The following PLA2G4E variants were observed in gnomAD, a reference collection of about 807,000 sequenced individuals.
PLA2G4E encodes the protein cytosolic phospholipase A2 epsilon.
In PLA2G4E, 84 loss-of-function variants were observed where a neutral mutation model predicts 109.1. The observed-to-expected ratio is 0.77, with a 90% CI of 0.65 to 0.92. The LOEUF (loss-of-function observed/expected upper bound fraction) is 0.92. PLA2G4E is among the 40% of genes least tolerant of loss of function. The pLI is 0.00. For missense variants in PLA2G4E, 1,057 were observed against 1,076.6 expected (o/e 0.98, Z 0.25); for synonymous variants, 469 against 436.1 (o/e 1.08, Z -0.94).
At chr15:41,990,997 G>A (rs1190586939) in intron 13 of PLA2G4E, among the ~76,000 whole-genome samples, 1 of 152,038 alleles carries the variant, frequency 6.6e-6, no homozygotes, top group African/African-American at 2.4e-5. Flanking sequence ...CAGAACCTGT[G>A]TGGAATGGCA....
intron 2 of PLA2G4E, among the ~76,000 whole-genome samples, chr15:42,008,160 G>T (rs1028710942): frequency 2.0e-5 from 3 of 152,220 alleles, no homozygotes; most frequent in Admixed American, 1.3e-4. Flanking sequence ...TTTGGGACAA[G>T]GTATGGTCAC....
intron 1 of PLA2G4E, among the ~76,000 whole-genome samples, chr15:42,041,954 G>T (rs975899423): frequency 6.6e-5 from 10 of 152,176 alleles, no homozygotes; most frequent in Non-Finnish European, 1.5e-4. Flanking sequence ...CATGGACGGG[G>T]ACAATGGCCA....
At chr15:41,983,836 A>G in exon 20 of PLA2G4E, 1 of 1,612,166 alleles carries the variant, frequency 6.2e-7, no homozygotes, top group Non-Finnish European at 8.5e-7. Flanking sequence ...CTTATTATTC[A>G]GGATGTTATA....
intron 1 of PLA2G4E, among the ~76,000 whole-genome samples, chr15:42,038,490 A>C (rs1889257116): frequency 6.6e-6 from 1 of 152,238 alleles, no homozygotes; most frequent in African/African-American, 2.4e-5. Flanking sequence ...TCTCACAAGG[A>C]GCGTGCAACC....
At chr15:41,986,084 CG>C in intron 17 of PLA2G4E, 79 bp from the exon 18 acceptor site, 1 of 1,456,952 alleles carries the variant, frequency 6.9e-7, no homozygotes, top group Non-Finnish European at 9.3e-7. Context: ...GGGGACGGAG[CG>C]CCCTGTCTGG....
At chr15:42,048,439 C>A (rs547767721) in intron 1 of PLA2G4E, among the ~76,000 whole-genome samples, 6 of 152,256 alleles carry the variant, frequency 3.9e-5, no homozygotes, top group African/African-American at 1.4e-4. Flanking sequence ...AATTACTTTA[C>A]ACATATCAAA....
chr15:42,038,677 C>G (rs914747502), intron 1 of PLA2G4E, among the ~76,000 whole-genome samples: 3 of 152,178 alleles, frequency 2.0e-5, no homozygotes, highest in Non-Finnish European at 4.4e-5. Flanking sequence ...CGTGAGCTTT[C>G]TTAGAATTGA....
rs183771050 is a variant in PLA2G4E at position 42,000,191 on chromosome 15, G to A, written c.765C>T (p.Cys255=). Residue 255 remains cysteine (C), a synonymous_variant, in exon 8 of 20, where the codon TGC becomes TGT. Transcript: ENST00000399518. ...AGTGGAAGCAGGCAGCGGTTTGGAA[G>A]CAGGCAGAGGTTGGGCAGCAGGGTT... The A allele has an allele frequency of 2.2e-4, 349 of 1,594,124 alleles. 2 individuals are homozygous for A. In the East Asian group the frequency reaches 7.1e-3, roughly 33 times the overall value.
chr15:41,997,521 A>G (rs2068361654), intron 10 of PLA2G4E: 2 of 295,696 alleles, frequency 6.8e-6, no homozygotes, highest in Middle Eastern at 9.6e-4. Context: ...TCAACAAAAG[A>G]TAACTGTTGG....
chr15:41,989,440 CGG>C lies in PLA2G4E; in HGVS notation c.1696_1697del (p.Pro566GlyfsTer52), dbSNP rs1566835311. On this transcript the variant is annotated frameshift_variant, in exon 15 of 20. Coordinates refer to ENST00000399518, the Ensembl canonical transcript of PLA2G4E. LOFTEE classifies it high-confidence loss of function. ...CTAGCATGTAGCAGATTCGAGACTC[CGG>C]GATCCTCTTCACCAGCCGCCCCATG... The C allele has an allele frequency of 6.2e-7, 1 of 1,614,002 alleles. No individual in the cohort carries two copies. The highest frequency in any genetic ancestry group is 8.5e-7 in the Non-Finnish European group (1 of 1,179,870).
chr15:41,989,587 A>G (rs2068207790), intron 14 of PLA2G4E, 35 bp from the exon 15 acceptor site: 1 of 1,595,694 alleles, frequency 6.3e-7, no homozygotes, highest in Non-Finnish European at 8.6e-7. Flanking sequence ...GGTCAGTCTC[A>G]GGCCAGGGAG....
At chr15:41,989,439 C>G (rs2068203608) in exon 15 of PLA2G4E, 4 of 1,613,908 alleles carry the variant, frequency 2.5e-6, no homozygotes, top group East Asian at 2.2e-5. Context: ...ATTCGAGACT[C>G]CGGGATCCTC....
At chr15:42,037,132 G>A (rs1004927986) in intron 1 of PLA2G4E, among the ~76,000 whole-genome samples, 16 of 152,236 alleles carry the variant, frequency 1.1e-4, no homozygotes, top group Admixed American at 1.0e-3. Context: ...TGGCCTGTAG[G>A]TGCCCCTTGG....
chr15:42,035,106 C>T (rs565603922), intron 1 of PLA2G4E, among the ~76,000 whole-genome samples: 10 of 152,334 alleles, frequency 6.6e-5, no homozygotes, highest in East Asian at 1.9e-4. Flanking sequence ...GGCACATCTA[C>T]GGTGGGAGGC....
At chr15:42,044,084 A>T (rs1889366549) in intron 1 of PLA2G4E, among the ~76,000 whole-genome samples, 1 of 152,214 alleles carries the variant, frequency 6.6e-6, no homozygotes, top group Admixed American at 6.5e-5. Flanking sequence ...AATGCTAGGC[A>T]CTGTGCTACA....
intron 1 of PLA2G4E, among the ~76,000 whole-genome samples, chr15:42,025,534 G>A (rs1249479542): frequency 6.6e-6 from 1 of 151,780 alleles, no homozygotes; most frequent in East Asian, 1.9e-4. Context: ...CTATCTTAGT[G>A]CACCTGAAGG....
At position 41,997,267 on chromosome 15, in the gene PLA2G4E, G is replaced by A. The variant is rs1036463017; in HGVS notation, c.975-8C>T. 3.2e-5 allele frequency: 49 copies of A among 1,539,384 alleles called. No homozygotes were observed. The highest frequency in any genetic ancestry group is 4.1e-5 in the African/African-American group (3 of 72,632). ...ACGTCCAGTGTCTCAGGGCTGGAGG[G>A]AGAGAGGACCCTGTATTGGGCCTGC... On this transcript the variant is annotated splice_polypyrimidine_tract_variant and splice_region_variant and intron_variant, in intron 10 of 19. Coordinates refer to ENST00000399518, the Ensembl canonical transcript of PLA2G4E.
At chr15:42,013,616 T>G in intron 2 of PLA2G4E, 69 bp downstream of exon 2, 1 of 1,455,294 alleles carries the variant, frequency 6.9e-7, no homozygotes, top group Admixed American at 2.0e-5. Context: ...CCTGACCATT[T>G]CTCCAGCCAG....
chr15:42,024,845 C>T (rs2068679241), intron 1 of PLA2G4E, among the ~76,000 whole-genome samples: 1 of 152,132 alleles, frequency 6.6e-6, no homozygotes. Flanking sequence ...AGCAGCTCTA[C>T]GTATATACGG....
Sources: allele counts gnomAD v4.1 joint callset (sites outside exome capture counted in the v4.1 genomes callset), GRCh38; gene constraint gnomAD v4.1.1; transcripts MANE v1.5; gene names NCBI Gene and HGNC (gene_info 2026-07-23, HGNC 2026-07-21).